TYR: variants seen among roughly 807,000 people sequenced by gnomAD.
TYR encodes tyrosinase.
Under a neutral mutation model 51.5 loss-of-function variants are expected in TYR, and 58 were observed. That is an observed-to-expected ratio of 1.13 (90% CI 0.91 to 1.40). The LOEUF is 1.40. Ranked by LOEUF, TYR falls within the 40% of genes most tolerant of loss-of-function variation. The pLI is 0.00. For missense variants in TYR, 732 were observed against 647.4 expected (o/e 1.13, Z -1.42); for synonymous variants, 263 against 235.2 (o/e 1.12, Z -1.08).
intron 4 of TYR, among the ~76,000 whole-genome samples, chr11:89,292,437 C>T (rs1391031403): frequency 1.3e-5 from 2 of 151,994 alleles, no homozygotes; most frequent in African/African-American, 2.4e-5. Context: ...AAGCCAGTAA[C>T]ATATTGGATG....
intron 3 of TYR, among the ~76,000 whole-genome samples, chr11:89,264,983 A>T (rs1184916326): frequency 1.3e-5 from 2 of 152,060 alleles, no homozygotes; most frequent in Admixed American, 1.3e-4. Flanking sequence ...GTGCATACTT[A>T]ATTCTTTTAA....
chr11:89,286,549 C>T (rs1340715107), intron 4 of TYR, among the ~76,000 whole-genome samples: 1 of 151,678 alleles, frequency 6.6e-6, no homozygotes, highest in East Asian at 2.0e-4. Context: ...TTTCCCAGGC[C>T]ACTTACCTAG....
intron 2 of TYR, among the ~76,000 whole-genome samples, chr11:89,223,019 G>A (rs372719195): frequency 2.0e-5 from 3 of 152,144 alleles, no homozygotes; most frequent in Admixed American, 6.5e-5. Flanking sequence ...CAAATTCATT[G>A]CAGGGGTATA....
At chr11:89,245,489 A>G (rs972184373) in intron 3 of TYR, among the ~76,000 whole-genome samples, 13 of 152,230 alleles carry the variant, frequency 8.5e-5, no homozygotes, top group African/African-American at 3.1e-4. Context: ...AGCAGGAACT[A>G]TCAGGATAAG....
chr11:89,219,568 C>T (rs567829710), intron 2 of TYR, among the ~76,000 whole-genome samples: 1 of 152,178 alleles, frequency 6.6e-6, no homozygotes, highest in Admixed American at 6.5e-5. Context: ...GGAGTACAGG[C>T]GTGACCCACT....
intron 2 of TYR, among the ~76,000 whole-genome samples, chr11:89,210,040 A>C (rs188186095): frequency 6.6e-6 from 1 of 152,204 alleles, no homozygotes; most frequent in Admixed American, 6.5e-5. Flanking sequence ...TGAAAATTCC[A>C]AAAACCAGAA....
intron 3 of TYR, among the ~76,000 whole-genome samples, chr11:89,281,151 C>T (rs1011867276): frequency 1.3e-5 from 2 of 151,596 alleles, no homozygotes; most frequent in Admixed American, 1.3e-4. Flanking sequence ...ATTTGCTTCC[C>T]TGGTTGCAGT....
rs556046568 is a variant in TYR, at chr11:89,248,739, CTGTT to C, written c.1184+20770_1184+20773del. ...TGTCTTGGCTATTGTGACAAATAGA[CTGTT>C]AGAGTGAAAACTTCAAAAGTGACAT... On this transcript the variant is annotated intron_variant, in intron 3 of 4. Coordinates refer to ENST00000263321, the MANE Select transcript of TYR (RefSeq NM_000372.5). 1.1e-4 allele frequency among the ~76,000 whole-genome samples: 16 copies of C among 152,142 alleles called. No individual in the cohort carries two copies. In the South Asian group the frequency reaches 2.5e-3, roughly 24 times the overall value.
intron 3 of TYR, among the ~76,000 whole-genome samples, chr11:89,244,726 G>A (rs1188907953): frequency 6.6e-6 from 1 of 151,808 alleles, no homozygotes; most frequent in Non-Finnish European, 1.5e-5. Context: ...GGCTTATACA[G>A]AAAAAAAACA....
rs189745202 is a variant in TYR at position 89,237,394 on chromosome 11, G to A, written c.1184+9424G>A. On this transcript the variant is annotated intron_variant, in intron 3 of 4. Coordinates refer to ENST00000263321, the MANE Select transcript of TYR (RefSeq NM_000372.5). ...GATTTTTATATATGGTGTGAGATAA[G>A]TGTCTAATTTCATTATTCTGAATGT... 1.1e-4 allele frequency among the ~76,000 whole-genome samples: 16 copies of A among 152,182 alleles called. No individual in the cohort carries two copies. In the East Asian group the frequency reaches 3.1e-3, roughly 29 times the overall value.
intron 2 of TYR, chr11:89,191,869 T>C: frequency 3.3e-6 from 1 of 307,136 alleles, no homozygotes. Context: ...TAATGGTGAG[T>C]AAAGTCAGTT....
At chr11:89,222,892 T>G (rs1324678263) in intron 2 of TYR, among the ~76,000 whole-genome samples, 1 of 152,204 alleles carries the variant, frequency 6.6e-6, no homozygotes, top group Non-Finnish European at 1.5e-5. Flanking sequence ...CATCTGTGAC[T>G]AACATGTCTC....
At chr11:89,281,094 T>C (rs757578068) in intron 3 of TYR, among the ~76,000 whole-genome samples, 2 of 151,732 alleles carry the variant, frequency 1.3e-5, no homozygotes, top group South Asian at 4.1e-4. Context: ...GGCCAGTGCA[T>C]TGGGGCTTCA....
intron 2 of TYR, among the ~76,000 whole-genome samples, chr11:89,219,952 C>G (rs996877742): frequency 6.6e-6 from 1 of 152,126 alleles, no homozygotes; most frequent in Non-Finnish European, 1.5e-5. Context: ...ATAACTGCAA[C>G]AGAACATCTA....
intron 2 of TYR, among the ~76,000 whole-genome samples, chr11:89,226,761 C>T (rs1356128342): frequency 6.6e-6 from 1 of 152,040 alleles, no homozygotes; most frequent in East Asian, 1.9e-4. Context: ...TCTGTTGTAA[C>T]TCTGGTTTAC....
chr11:89,294,583 C>G (rs1212889690), intron 4 of TYR, among the ~76,000 whole-genome samples: 1 of 152,210 alleles, frequency 6.6e-6, no homozygotes, highest in Non-Finnish European at 1.5e-5. Context: ...CCCCCAACCC[C>G]CGAAGCCTTA....
intron 2 of TYR, among the ~76,000 whole-genome samples, chr11:89,212,136 A>C (rs1943766842): frequency 6.6e-6 from 1 of 152,222 alleles, no homozygotes; most frequent in Admixed American, 6.5e-5. Context: ...TCCCTTCAAA[A>C]AAATCAATGA....
chr11:89,209,891 AAACT>A (rs759911016), intron 2 of TYR, among the ~76,000 whole-genome samples: 35 of 152,332 alleles, frequency 2.3e-4, no homozygotes, highest in East Asian at 7.7e-4. Flanking sequence ...GTTACAAGGA[AAACT>A]AACTAACAGA....
chr11:89,275,495 C>A (rs1277687369), intron 3 of TYR, among the ~76,000 whole-genome samples: 1 of 151,868 alleles, frequency 6.6e-6, no homozygotes, highest in Non-Finnish European at 1.5e-5. Context: ...TTACTATTGG[C>A]AAATTCTTAA....
Sources: gnomAD v4.1 joint callset for allele counts (sites outside exome capture counted in the v4.1 genomes callset) on GRCh38, gnomAD v4.1.1 for gene constraint, MANE v1.5 for transcripts, NCBI Gene and HGNC (gene_info 2026-07-23, HGNC 2026-07-21) for gene names.